C20orf96: variants seen among roughly 807,000 people sequenced by gnomAD.
C20orf96 encodes the protein uncharacterized protein C20orf96.
C20orf96 carries 57 observed loss-of-function variants against 52.6 expected under a neutral mutation model. The ratio of observed to expected loss-of-function variants is 1.08; its 90% confidence interval spans 0.88 to 1.35. The LOEUF (loss-of-function observed/expected upper bound fraction) is 1.35. C20orf96 is among the 40% of genes most tolerant of loss of function. The pLI is 0.00. For synonymous variants in C20orf96, 168 were observed against 157.2 expected, an observed-to-expected ratio of 1.07 and a Z score of -0.51; for missense variants, 478 against 443.6, an observed-to-expected ratio of 1.08 and a Z score of -0.70.
chr20:288,797 A>G (rs575471000), intron 3 of C20orf96, among the ~76,000 whole-genome samples: 2 of 152,298 alleles, frequency 1.3e-5, no homozygotes, highest in East Asian at 3.9e-4. Context: ...AGTATGCTAG[A>G]TTGTCTATGA....
At chr20:279,444 T>A in intron 4 of C20orf96, 114 bp from the exon 5 acceptor site, 1 of 1,207,376 alleles carries the variant, frequency 8.3e-7, no homozygotes, top group Non-Finnish European at 1.1e-6. Flanking sequence ...CCGTGCGGCC[T>A]CCTGCTGGTA....
At chr20:279,102 C>CGGGATGGAGGGAGGGAGGGCGGGAT in intron 5 of C20orf96, 70 bp downstream of exon 5, 1 of 609,442 alleles carries the variant, frequency 1.6e-6, no homozygotes. Flanking sequence ...GACGGAGGGA[C>CGGGATGGAGGGAGGGAGGGCGGGAT]GGAGGGAGGG....
rs1237094588 is a variant in C20orf96, at chr20:279,180, T to A, written c.457A>T (p.Thr153Ser). The change falls in exon 5 of 11, where the codon ACC (threonine) becomes TCC (serine). Residue 153 changes from threonine to serine, a missense_variant. Thr to Ser is a moderately conservative substitution (Grantham distance 58). Coordinates refer to ENST00000360321, the MANE Select transcript of C20orf96 (RefSeq NM_153269.3). ...GATGCCGCGGGTCTCACCGCCAGGGTGTCCTGCTGCTGCAGCAGGGCCCGC... is the reference window on the plus strand; with the variant it reads ...GATGCCGCGGGTCTCACCGCCAGGGAGTCCTGCTGCTGCAGCAGGGCCCGC... ...HVRALLQQQD[T>S]LATIIDILEY... 1 of 1,592,682 alleles carries A rather than the reference T, an allele frequency of 6.3e-7. No homozygotes were observed. Among genetic ancestry groups the A allele is most frequent in the South Asian group, 1.1e-5 (1 of 90,242 alleles).
rs2012484209 is a variant in C20orf96, at chr20:289,602, G to C, written c.144C>G (p.Ser48Arg). 1 of 1,613,912 alleles carries C rather than the reference G, an allele frequency of 6.2e-7. No homozygotes were observed. Among genetic ancestry groups the C allele is most frequent in the Non-Finnish European group, 8.5e-7 (1 of 1,179,970 alleles). The change falls in exon 3 of 11, where the codon AGC (serine) becomes AGG (arginine). Residue 48 changes from serine (S) to arginine (R), a missense_variant. Coordinates refer to ENST00000360321, the MANE Select transcript of C20orf96 (RefSeq NM_153269.3). Reference protein sequence around the residue: ...STLPPVQQANSLHTSKMKTLT... With the variant: ...STLPPVQQANRLHTSKMKTLT... ...AAGTCTTCATTTTGCTTGTATGAAG[G>C]CTGTTGGCTTGTTGGACTGGAGGCA...
At chr20:279,831 G>A (rs1433549140) in intron 4 of C20orf96, among the ~76,000 whole-genome samples, 2 of 152,040 alleles carry the variant, frequency 1.3e-5, no homozygotes, top group East Asian at 1.9e-4. Flanking sequence ...TTAGCCGAGC[G>A]TGGTGGCGCG....
Position 279,265 on chromosome 20 carries a change from C to CT in C20orf96, c.371dup (p.Leu125AlafsTer51). ...TGGTCTCGATCAGCTCCCGGTTGAGCTTGCTGAGGAAGTTCTCACGGCTTC... is the reference window on the plus strand; with the variant it reads ...TGGTCTCGATCAGCTCCCGGTTGAGCTTTGCTGAGGAAGTTCTCACGGCTTC... On this transcript the variant is annotated frameshift_variant, in exon 5 of 11. Coordinates refer to ENST00000360321, the MANE Select transcript of C20orf96 (RefSeq NM_153269.3). LOFTEE classifies it high-confidence loss of function. 1.2e-6 allele frequency: 2 copies of CT among 1,611,026 alleles called. No homozygotes were observed. Among genetic ancestry groups the CT allele is most frequent in the Non-Finnish European group, 1.7e-6 (2 of 1,179,230 alleles).
At chr20:274,421 C>A (rs2011951110) in intron 10 of C20orf96, among the ~76,000 whole-genome samples, 1 of 152,176 alleles carries the variant, frequency 6.6e-6, no homozygotes, top group African/African-American at 2.4e-5. Flanking sequence ...CTTCTCTGCC[C>A]CAAGGCCTGG....
chr20:278,439 G>A lies in C20orf96; in HGVS notation c.466-10C>T. On this transcript the variant is annotated splice_polypyrimidine_tract_variant and intron_variant, in intron 5 of 10. Transcript: ENST00000360321. ...AGATGTCGATGATGGTCTGCGGGAG[G>A]GGTGGAGTCAACTCACCCACAGGCT... The A allele has an allele frequency of 1.2e-6, 2 of 1,609,740 alleles. No homozygotes were observed. The highest frequency in any genetic ancestry group is 1.7e-6 in the Non-Finnish European group (2 of 1,176,262).
rs756968503 is a variant in C20orf96 at position 276,044 on chromosome 20, C to T, written c.955G>A (p.Glu319Lys). 37 of 1,614,078 alleles carry T rather than the reference C, an allele frequency of 2.3e-5. 1 individual carries two copies. In the South Asian group the frequency reaches 3.1e-4, roughly 13 times the overall value. ...FEENMPVLRAEVEELQAQTRE... is the reference protein window; with the variant it reads ...FEENMPVLRAKVEELQAQTRE... The stretch of plus-strand genomic sequence containing the variant: ...GTCTGGGCTTGGAGCTCTTCCACCT[C>T]GGCCCTTAATACAGGCATGTTCTCC... Residue 319 changes from glutamate (E) to lysine (K), a missense_variant, in exon 10 of 11, where the codon GAG becomes AAG. Glu to Lys is a moderately conservative substitution (Grantham distance 56). Coordinates refer to ENST00000360321, the MANE Select transcript of C20orf96 (RefSeq NM_153269.3).
chr20:290,386 G>A (rs749736029), intron 1 of C20orf96, 79 bp from the exon 2 acceptor site: 9 of 1,579,106 alleles, frequency 5.7e-6, no homozygotes, highest in Non-Finnish European at 7.8e-6. Flanking sequence ...AAACAGGATT[G>A]GAGTCTCGAA....
chr20:275,877 T>C, intron 10 of C20orf96, 91 bp downstream of exon 10: 2 of 1,233,984 alleles, frequency 1.6e-6, no homozygotes, highest in Non-Finnish European at 2.4e-6. Flanking sequence ...GGTTCTGCCA[T>C]CCACACCAGG....
At chr20:289,748 G>T in intron 2 of C20orf96, 72 bp from the exon 3 acceptor site, 2 of 1,252,696 alleles carry the variant, frequency 1.6e-6, no homozygotes, top group African/African-American at 1.5e-5. Flanking sequence ...AGATATCTGT[G>T]ACCCCAAGCA....
rs1464182102 is a variant in C20orf96, at chr20:284,048, C to T, written c.221G>A (p.Ser74Asn). 2 of 1,614,156 alleles carry T rather than the reference C, an allele frequency of 1.2e-6. No homozygotes were observed. The highest frequency in any genetic ancestry group is 8.5e-7 in the Non-Finnish European group (1 of 1,180,016). Residue 74 changes from serine to asparagine, a missense_variant, in exon 4 of 11, where the codon AGC (serine) becomes AAC (asparagine). Ser to Asn is a conservative substitution (Grantham distance 46, BLOSUM62 1). Coordinates refer to ENST00000360321, the MANE Select transcript of C20orf96 (RefSeq NM_153269.3). ...FHFKPTTVVTSCQPKNPRELH... is the reference protein window; with the variant it reads ...FHFKPTTVVTNCQPKNPRELH... ...TTCTCTTGGATTCTTCGGCTGGCAG[C>T]TTGTCACCACCGTAGTGGGCTTGAA... is the stretch of plus-strand genomic sequence containing the variant.
chr20:284,417 G>A (rs2012330703), intron 3 of C20orf96, among the ~76,000 whole-genome samples: 2 of 152,240 alleles, frequency 1.3e-5, no homozygotes, highest in African/African-American at 4.8e-5. Context: ...CTTTCCAGTA[G>A]CTACTGCAGC....
chr20:276,751 A>G, intron 9 of C20orf96, 42 bp downstream of exon 9: 1 of 1,597,594 alleles, frequency 6.3e-7, no homozygotes, highest in Non-Finnish European at 8.5e-7. Flanking sequence ...CTGCCCATCC[A>G]CTGCTTCCCT....
chr20:270,939 C>T lies in C20orf96; in HGVS notation c.*268G>A. 1 of 479,084 alleles carries T rather than the reference C, an allele frequency of 2.1e-6. No individual in the cohort carries two copies. Among genetic ancestry groups the T allele is most frequent in the Non-Finnish European group, 3.7e-6 (1 of 271,702 alleles). The allele number at this position is 479,084 out of a possible 1,614,324, so 29.7% of individuals were successfully genotyped here. On this transcript the variant is annotated 3_prime_UTR_variant, in exon 11 of 11. Transcript: ENST00000360321. ...GAAATTCCCACCTGGCCCAGCAGCACCAACCAGAAAGAAGGGAAGAAGAGA... is the reference window on the plus strand; with the variant it reads ...GAAATTCCCACCTGGCCCAGCAGCATCAACCAGAAAGAAGGGAAGAAGAGA...
In C20orf96 at chr20:277,047, C is replaced by T; in HGVS notation, c.822G>A (p.Val274=). Residue 274 remains valine (V), a synonymous_variant, in exon 8 of 11, where the codon GTG becomes GTA. Transcript: ENST00000360321. ...CACACAGCAACTGGCTACTCACCGC[C>T]ACCACAGAACTCAGAATTTTTTTCT... is the stretch of plus-strand genomic sequence containing the variant. ...KKKKKILSSV[V]AETQRPYEEA... 1 of 1,613,356 alleles carries T rather than the reference C, an allele frequency of 6.2e-7. No homozygotes were observed. Among genetic ancestry groups the T allele is most frequent in the Non-Finnish European group, 8.5e-7 (1 of 1,179,566 alleles).
intron 4 of C20orf96, among the ~76,000 whole-genome samples, chr20:279,839 G>T (rs2012204437): frequency 6.6e-6 from 1 of 152,026 alleles, no homozygotes; most frequent in Non-Finnish European, 1.5e-5. Flanking sequence ...GCGTGGTGGC[G>T]CGTGCCTGTA....
At chr20:279,870 T>C (rs2012205351) in intron 4 of C20orf96, among the ~76,000 whole-genome samples, 2 of 152,026 alleles carry the variant, frequency 1.3e-5, no homozygotes, top group South Asian at 4.2e-4. Context: ...CTGGGGAGGC[T>C]GAGGCAGGAG....
Sources: gnomAD v4.1 joint callset for allele counts (sites outside exome capture counted in the v4.1 genomes callset) on GRCh38, gnomAD v4.1.1 for gene constraint, MANE v1.5 for transcripts, NCBI Gene and HGNC (gene_info 2026-07-23, HGNC 2026-07-21) for gene names.